BRDT: variants seen among roughly 807,000 people sequenced by gnomAD.
BRDT encodes bromodomain testis-specific protein.
In BRDT, 77 loss-of-function variants were observed where a neutral mutation model predicts 113.9. The observed-to-expected ratio is 0.68, with a 90% CI of 0.56 to 0.82. The LOEUF (loss-of-function observed/expected upper bound fraction) is 0.82, where lower values mean the gene tolerates loss of function less well. Among genes scored for constraint, BRDT ranks in the 40% least tolerant of loss-of-function variants. BRDT has a pLI of 0.00. For missense variants in BRDT, 1,027 were observed against 1,105.4 expected, an observed-to-expected ratio of 0.93 and a Z score of 1.01; for synonymous variants, 358 against 366.5, an observed-to-expected ratio of 0.98 and a Z score of 0.26.
intron 18 of BRDT, among the ~76,000 whole-genome samples, chr1:92,007,412 CA>C (rs1557868649): frequency 1.3e-5 from 2 of 152,114 alleles, no homozygotes; most frequent in South Asian, 4.1e-4. Flanking sequence ...AAGTAGACCC[CA>C]GTGTCTGCTG....
intron 12 of BRDT, 56 bp downstream of exon 12, chr1:91,981,811 T>TA: frequency 6.8e-7 from 1 of 1,477,128 alleles, no homozygotes; most frequent in Non-Finnish European, 9.0e-7. Context: ...TTTCCTGTAA[T>TA]ATTGATTTAT....
At chr1:91,971,157 T>C (rs1277709007) in intron 4 of BRDT, among the ~76,000 whole-genome samples, 2 of 151,830 alleles carry the variant, frequency 1.3e-5, no homozygotes, top group African/African-American at 4.8e-5. Flanking sequence ...TGTGAACTCA[T>C]AGAGTGAGCA....
chr1:91,952,388 C>T (rs1681193352), intron 1 of BRDT: 1 of 152,162 alleles, frequency 6.6e-6, no homozygotes. Flanking sequence ...TTAATTGAAG[C>T]TCTCTGGCTT....
At chr1:91,976,492 T>C in intron 5 of BRDT, 54 bp downstream of exon 5, 1 of 1,412,506 alleles carries the variant, frequency 7.1e-7, no homozygotes. Context: ...ATTTTTTTTT[T>C]CCATTTATAG....
chr1:92,000,608 C>T (rs916897534), intron 15 of BRDT, among the ~76,000 whole-genome samples: 1 of 152,102 alleles, frequency 6.6e-6, no homozygotes, highest in Non-Finnish European at 1.5e-5. Context: ...AAATGTAAGT[C>T]CCTATAATAT....
chr1:91,974,669 T>C (rs562962180), intron 4 of BRDT, among the ~76,000 whole-genome samples: 2,380 of 152,228 alleles, frequency 0.016, 47 homozygotes, highest in African/African-American at 0.045. Flanking sequence ...TAGGAACACT[T>C]TTACACTGTT....
intron 3 of BRDT, among the ~76,000 whole-genome samples, chr1:91,966,430 C>G (rs1156750480): frequency 6.6e-6 from 1 of 152,120 alleles, no homozygotes; most frequent in Non-Finnish European, 1.5e-5. Flanking sequence ...GACGGACTCA[C>G]TGTGTTGCCT....
chr1:92,008,444 G>C (rs138307321), intron 18 of BRDT, among the ~76,000 whole-genome samples: 3 of 151,660 alleles, frequency 2.0e-5, no homozygotes, highest in East Asian at 3.9e-4. Context: ...GAGTTCCTAC[G>C]TGCCATACCC....
At chr1:91,949,377 A>G (rs1347180547), upstream of BRDT, 1 of 152,230 alleles carries the variant, frequency 6.6e-6, no homozygotes, top group African/African-American at 2.4e-5. Context: ...CTTCTATAAA[A>G]GCGCCTGTCG....
rs192529642 is a variant in BRDT at position 91,977,143 on chromosome 1, T to A, written c.719T>A (p.Val240Glu). 6.2e-7 allele frequency: 1 copy of A among 1,613,962 alleles called. No homozygotes were observed. Among genetic ancestry groups the A allele is most frequent in the East Asian group, 2.2e-5 (1 of 44,846 alleles). ...TCTCCAACATTCACAGAAAAATCAG[T>A]GGCACTGCCACCTATAAAAGAAAAT... ...EFSPTFTEKS[V>E]ALPPIKENMP... Residue 240 changes from valine to glutamate, a missense_variant, in exon 6 of 19, where the codon GTG (valine) becomes GAG (glutamate). Physicochemically the swap from Val to Glu is moderately radical, Grantham distance 121. Coordinates refer to ENST00000399546, the MANE Select transcript of BRDT (RefSeq NM_207189.4).
intron 1 of BRDT, among the ~76,000 whole-genome samples, chr1:91,957,017 A>T (rs899099092): frequency 6.7e-6 from 1 of 148,924 alleles, no homozygotes; most frequent in African/African-American, 2.6e-5. Context: ...CTTTATAGGT[A>T]ATTTATAGGT....
chr1:91,971,539 A>C (rs1683627714), intron 4 of BRDT, among the ~76,000 whole-genome samples: 1 of 152,224 alleles, frequency 6.6e-6, no homozygotes, highest in South Asian at 2.1e-4. Context: ...TTGATAATTT[A>C]TGGCAAAGAA....
chr1:91,995,466 AT>A (rs1166143079), intron 15 of BRDT, among the ~76,000 whole-genome samples: 7 of 138,996 alleles, frequency 5.0e-5, no homozygotes, highest in Non-Finnish European at 9.2e-5. Context: ...TGTTGTTTAA[AT>A]TTTTTTTTGA....
chr1:91,951,115 C>T (rs1681028745), intron 1 of BRDT, among the ~76,000 whole-genome samples: 1 of 152,152 alleles, frequency 6.6e-6, no homozygotes, highest in South Asian at 2.1e-4. Flanking sequence ...GAACTGACCT[C>T]AAGCGATTCT....
At chr1:91,983,427 T>G (rs1286942534) in intron 12 of BRDT, among the ~76,000 whole-genome samples, 2 of 151,874 alleles carry the variant, frequency 1.3e-5, no homozygotes, top group South Asian at 2.1e-4. Flanking sequence ...GCTAATTTTT[T>G]GTATTTTTAG....
chr1:91,972,811 G>C (rs1683755247), intron 4 of BRDT, among the ~76,000 whole-genome samples: 1 of 152,166 alleles, frequency 6.6e-6, no homozygotes, highest in Non-Finnish European at 1.5e-5. Flanking sequence ...CTAAGTTTTA[G>C]AGAGTAGTGA....
At chr1:91,978,060 T>C in intron 6 of BRDT, 108 bp from the exon 7 acceptor site, 1 of 1,084,750 alleles carries the variant, frequency 9.2e-7, no homozygotes, top group East Asian at 2.6e-5. Flanking sequence ...GGTGGACAAC[T>C]GTTTTCTGTA....
At chr1:91,986,434 A>G (rs1446014338) in intron 12 of BRDT, among the ~76,000 whole-genome samples, 1 of 152,188 alleles carries the variant, frequency 6.6e-6, no homozygotes, top group African/African-American at 2.4e-5. Flanking sequence ...ATTAGTGTGA[A>G]ATAGAATTTT....
chr1:92,004,530 A>G lies in BRDT; in HGVS notation c.2505A>G (p.Glu835=). The G allele has an allele frequency of 6.2e-7, 1 of 1,613,588 alleles. No homozygotes were observed. The highest frequency in any genetic ancestry group is 8.5e-7 in the Non-Finnish European group (1 of 1,179,772). Residue 835 remains glutamate, a synonymous_variant, in exon 17 of 19, where the codon GAA becomes GAG. Coordinates refer to ENST00000399546, the MANE Select transcript of BRDT (RefSeq NM_207189.4). ...LFNQFRKAAI[E]KEVKARTQEL... ...ACCAATTTAGAAAAGCAGCCATAGA[A>G]AAGGAAGTAAAAGCTCGGACACAGG... is the stretch of plus-strand genomic sequence containing the variant.
Sources: gnomAD v4.1 joint callset for allele counts (sites outside exome capture counted in the v4.1 genomes callset) on GRCh38, gnomAD v4.1.1 for gene constraint, MANE v1.5 for transcripts, NCBI Gene and HGNC (gene_info 2026-07-23, HGNC 2026-07-21) for gene names.